Variants in RELN observed in about 807,000 individuals in gnomAD.
RELN encodes reelin.
RELN carries 108 observed loss-of-function variants against 427.6 expected under a neutral mutation model. The ratio of observed to expected loss-of-function variants is 0.25; its 90% confidence interval spans 0.22 to 0.30. RELN has a LOEUF of 0.30. Among genes scored for constraint, RELN ranks in the 10% least tolerant of loss-of-function variants. The pLI, the probability that RELN is intolerant of heterozygous loss-of-function variation, is 1.00. For missense variants in RELN, 3,715 were observed against 4,302.8 expected, an observed-to-expected ratio of 0.86 and a Z score of 3.82; for synonymous variants, 1,524 against 1,513.4, an observed-to-expected ratio of 1.01 and a Z score of -0.16.
At chr7:103,617,495 G>A (rs10261317) in intron 20 of RELN, among the ~76,000 whole-genome samples, 22,066 of 150,638 alleles carry the variant, frequency 0.15, 1,827 homozygotes, top group African/African-American at 0.22. Context: ...ACATCTGAAA[G>A]GAATCTATAT....
rs1333688070 is a variant in RELN, at chr7:103,640,003, T to TCG, written c.2069+539_2069+540insCG. Among the ~76,000 whole-genome samples, 1 of 152,206 alleles carries TCG rather than the reference T, an allele frequency of 6.6e-6. No homozygotes were observed. The highest frequency in any genetic ancestry group is 1.5e-5 in the Non-Finnish European group (1 of 68,024). ...CATTATTAATGTATAATTTCAGACT[T>TCG]TATATTCAACAGCATTGTTTTGTAA... On this transcript the variant is annotated intron_variant, in intron 17 of 64. Coordinates refer to ENST00000428762, the MANE Select transcript of RELN (RefSeq NM_005045.4). The surrounding 1 kb of genome is among the most constrained non-coding windows in gnomAD (Gnocchi z 4.1).
At chr7:103,756,758 G>GTTTGT (rs10652920) in intron 4 of RELN, among the ~76,000 whole-genome samples, 36,860 of 151,806 alleles carry the variant, frequency 0.24, 4,653 homozygotes, top group Middle Eastern at 0.34. Context: ...AGTTAGGAAG[G>GTTTGT]TTTAATATAT....
Position 103,551,135 on chromosome 7 carries a change from G to C in RELN, c.6234C>G (p.Thr2078=). 1 of 1,614,112 alleles carries C rather than the reference G, an allele frequency of 6.2e-7. No homozygotes were observed. The highest frequency in any genetic ancestry group is 8.5e-7 in the Non-Finnish European group (1 of 1,180,040). ...LCSTEHHPSS[T]YYAGTMQGWR... is the part of the protein sequence containing the mutation. ...AGCCCTGCATGGTTCCTGCGTAGTA[G>C]GTGCTGCTGGGGTGGTGCTCGGTGG... Residue 2078 remains threonine (T), a synonymous_variant, in exon 41 of 65, where the codon ACC becomes ACG. Coordinates refer to ENST00000428762, the MANE Select transcript of RELN (RefSeq NM_005045.4).
chr7:103,592,510 T>C (rs1831442113), intron 27 of RELN, among the ~76,000 whole-genome samples: 1 of 152,186 alleles, frequency 6.6e-6, no homozygotes, highest in South Asian at 2.1e-4. Flanking sequence ...TGTGTCTTTA[T>C]GGTAGAATGA....
chr7:103,850,323 C>A (rs1004112532), intron 2 of RELN, among the ~76,000 whole-genome samples: 1 of 152,144 alleles, frequency 6.6e-6, no homozygotes, highest in South Asian at 2.1e-4. Flanking sequence ...AACATAGGCC[C>A]CCATTGGAGA....
chr7:103,523,980 C>T (rs187077037), intron 46 of RELN, among the ~76,000 whole-genome samples: 2 of 152,242 alleles, frequency 1.3e-5, no homozygotes, highest in Admixed American at 6.5e-5. Flanking sequence ...CCTGGCTGGC[C>T]ATTATTACAA....
intron 2 of RELN, among the ~76,000 whole-genome samples, chr7:103,877,582 T>C (rs1794508771): frequency 6.6e-6 from 1 of 152,154 alleles, no homozygotes; most frequent in African/African-American, 2.4e-5. Flanking sequence ...CCTGACCTTC[T>C]CGATTCAATT....
At chr7:103,577,170 A>G (rs1360305023) in intron 28 of RELN, among the ~76,000 whole-genome samples, 1 of 152,236 alleles carries the variant, frequency 6.6e-6, no homozygotes, top group Non-Finnish European at 1.5e-5. Flanking sequence ...GTTGTTAAGG[A>G]CAACTGTAGA....
At chr7:103,567,790 T>TA (rs1562896283) in intron 31 of RELN, among the ~76,000 whole-genome samples, 2 of 148,638 alleles carry the variant, frequency 1.3e-5, no homozygotes, top group African/African-American at 4.9e-5. Context: ...ATATATATAT[T>TA]TTATATATAT....
intron 3 of RELN, among the ~76,000 whole-genome samples, chr7:103,780,041 A>G (rs1161498589): frequency 1.3e-5 from 2 of 152,146 alleles, no homozygotes; most frequent in Admixed American, 1.3e-4. Flanking sequence ...CCTGATCTTT[A>G]AAGAAATGTC....
intron 31 of RELN, among the ~76,000 whole-genome samples, chr7:103,570,616 C>T (rs995176685): frequency 2.6e-5 from 4 of 152,210 alleles, no homozygotes; most frequent in East Asian, 1.9e-4. Flanking sequence ...GTCATTAGTG[C>T]CCCACTGGTT....
At chr7:103,774,296 C>CAA (rs35834080) in intron 4 of RELN, among the ~76,000 whole-genome samples, 5 of 121,034 alleles carry the variant, frequency 4.1e-5, no homozygotes, top group African/African-American at 1.2e-4. Context: ...GACTTTGTCT[C>CAA]AAAAAAAAAA....
At chr7:103,965,552 G>A (rs1339512156) in intron 1 of RELN, among the ~76,000 whole-genome samples, 4 of 152,160 alleles carry the variant, frequency 2.6e-5, no homozygotes, top group Non-Finnish European at 5.9e-5. Context: ...TAAGGACTCT[G>A]TCACGTATTT....
intron 2 of RELN, among the ~76,000 whole-genome samples, chr7:103,838,146 T>C (rs1311441704): frequency 7.3e-6 from 1 of 136,820 alleles, no homozygotes; most frequent in Non-Finnish European, 1.5e-5. Context: ...GAGGCGGAGC[T>C]TGCAGTGAGC....
intron 29 of RELN, 31 bp from the exon 30 acceptor site, chr7:103,574,330 C>G (rs1024389607): frequency 6.3e-7 from 1 of 1,584,100 alleles, no homozygotes; most frequent in African/African-American, 1.3e-5. Context: ...AGGAGAGATG[C>G]TTTGTTGGAA....
At chr7:103,606,410 T>C (rs1399384200) in intron 22 of RELN, among the ~76,000 whole-genome samples, 2 of 152,222 alleles carry the variant, frequency 1.3e-5, no homozygotes, top group African/African-American at 2.4e-5. Context: ...CCCAGGACCC[T>C]GGTTCTGCAA....
chr7:103,909,711 A>AT (rs1795303927), intron 2 of RELN, among the ~76,000 whole-genome samples: 2 of 35,030 alleles, frequency 5.7e-5, no homozygotes, highest in African/African-American at 3.1e-4. Context: ...AATATATATA[A>AT]ATATATATTA....
In RELN at chr7:103,697,834, A is replaced by G; in HGVS notation, c.1143+19T>C. 6.2e-7 allele frequency: 1 copy of G among 1,613,394 alleles called. No individual in the cohort carries two copies. The highest frequency in any genetic ancestry group is 8.5e-7 in the Non-Finnish European group (1 of 1,179,608). ...AGATGAAGGATTAAAACAACCCAAAAACTAAAAAGAGCTCTAACCTTAACT... is the reference window on the plus strand; with the variant it reads ...AGATGAAGGATTAAAACAACCCAAAGACTAAAAAGAGCTCTAACCTTAACT... On this transcript the variant is annotated intron_variant, in intron 10 of 64. Coordinates refer to ENST00000428762, the MANE Select transcript of RELN (RefSeq NM_005045.4).
At position 103,515,525 on chromosome 7, in the gene RELN, A is replaced by AGAT; in HGVS notation, c.7863-87_7863-85dup. 2.6e-6 allele frequency: 4 copies of AGAT among 1,559,578 alleles called. No homozygotes were observed. In the South Asian group the frequency reaches 4.5e-5, roughly 18 times the overall value. On this transcript the variant is annotated intron_variant, in intron 49 of 64. Coordinates refer to ENST00000428762, the MANE Select transcript of RELN (RefSeq NM_005045.4). ...AGTAAAAGATTTACAACCAGCCATA[A>AGAT]GATAATGTATGTCACATGGTGGGTG... is the stretch of plus-strand genomic sequence containing the variant.
Sources: allele counts gnomAD v4.1 joint callset (sites outside exome capture counted in the v4.1 genomes callset), GRCh38; gene constraint gnomAD v4.1.1; non-coding constraint Gnocchi (gnomAD v3.1); transcripts MANE v1.5; gene names NCBI Gene and HGNC (gene_info 2026-07-23, HGNC 2026-07-21).